Variants in PID1 observed in about 807,000 individuals in gnomAD.
PID1 encodes phosphotyrosine interaction domain containing 1.
A neutral mutation model predicts 19.1 loss-of-function variants in PID1; 10 were observed. That is an observed-to-expected ratio of 0.52 (90% CI 0.32 to 0.89). The LOEUF (loss-of-function observed/expected upper bound fraction) is 0.89. Among genes scored for constraint, PID1 ranks in the 40% least tolerant of loss-of-function variants. The pLI is 0.03. For missense variants in PID1, 248 were observed against 285.3 expected (o/e 0.87, Z 0.94); for synonymous variants, 130 against 116.0 (o/e 1.12, Z -0.78).
chr2:229,254,508 A>G (rs1371891209), intron 1 of PID1, among the ~76,000 whole-genome samples: 1 of 152,190 alleles, frequency 6.6e-6, no homozygotes, highest in Non-Finnish European at 1.5e-5. Context: ...GCCAATATAC[A>G]TTCTTCTATT....
chr2:229,169,000 C>A (rs2106207989), intron 1 of PID1, among the ~76,000 whole-genome samples: 1 of 152,250 alleles, frequency 6.6e-6, no homozygotes, highest in South Asian at 2.1e-4. Flanking sequence ...CTACTCTCAG[C>A]TTTCTTTGTA....
chr2:229,028,432 G>C (rs764379375), intron 2 of PID1, among the ~76,000 whole-genome samples: 1 of 152,198 alleles, frequency 6.6e-6, no homozygotes, highest in Non-Finnish European at 1.5e-5. Flanking sequence ...ATAAATTGTG[G>C]TGTTTACGCA....
intron 1 of PID1, among the ~76,000 whole-genome samples, chr2:229,187,400 T>G (rs1303961833): frequency 1.3e-5 from 2 of 152,138 alleles, no homozygotes; most frequent in Non-Finnish European, 2.9e-5. Flanking sequence ...CAGTTCCACA[T>G]GGCTGGGGAG....
chr2:229,182,272 G>A (rs957728753), intron 1 of PID1, among the ~76,000 whole-genome samples: 4 of 151,474 alleles, frequency 2.6e-5, no homozygotes, highest in African/African-American at 7.3e-5. Context: ...TGGTCCTCTG[G>A]TGAGAGACAT....
At chr2:229,157,855 C>A (rs942509139) in intron 1 of PID1, among the ~76,000 whole-genome samples, 2 of 152,152 alleles carry the variant, frequency 1.3e-5, no homozygotes, top group African/African-American at 2.4e-5. Flanking sequence ...AATGATAACA[C>A]AGAAGGAAAG....
intron 1 of PID1, among the ~76,000 whole-genome samples, chr2:229,235,618 C>T (rs1441886156): frequency 6.6e-6 from 1 of 152,094 alleles, no homozygotes; most frequent in Non-Finnish European, 1.5e-5. Context: ...ACGCTGGCAC[C>T]AACACTGTCC....
intron 2 of PID1, among the ~76,000 whole-genome samples, chr2:229,026,478 C>T (rs553934454): frequency 6.6e-6 from 1 of 152,276 alleles, no homozygotes; most frequent in South Asian, 2.1e-4. Context: ...GCCAAACACA[C>T]ACAGAATTGA....
chr2:229,184,983 C>CCCATATATATCCCATATATATACAA (rs371649976), intron 1 of PID1, among the ~76,000 whole-genome samples: 2 of 138,938 alleles, frequency 1.4e-5, no homozygotes, highest in African/African-American at 5.3e-5. Flanking sequence ...TATATATATA[C>CCCATATATATCCCATATATATACAA]TATATATATC....
chr2:229,093,213 C>T (rs975231681), intron 2 of PID1, among the ~76,000 whole-genome samples: 1 of 151,548 alleles, frequency 6.6e-6, no homozygotes, highest in Admixed American at 6.6e-5. Context: ...GCCACTCCAC[C>T]TCCGGGTTCA....
chr2:229,068,653 A>T (rs1694382529), intron 2 of PID1, among the ~76,000 whole-genome samples: 1 of 152,116 alleles, frequency 6.6e-6, no homozygotes, highest in Non-Finnish European at 1.5e-5. Flanking sequence ...CGAGTTTGGG[A>T]CTGAAGGCTG....
chr2:229,219,515 C>T (rs975435488), intron 1 of PID1, among the ~76,000 whole-genome samples: 1 of 152,200 alleles, frequency 6.6e-6, no homozygotes, highest in Non-Finnish European at 1.5e-5. Context: ...ATGGGAACGA[C>T]AGTTCAAGAT....
At chr2:229,234,529 A>C (rs1196667068) in intron 1 of PID1, among the ~76,000 whole-genome samples, 1 of 152,202 alleles carries the variant, frequency 6.6e-6, no homozygotes, top group Non-Finnish European at 1.5e-5. Context: ...AGCCCTAACA[A>C]CACCTTGATT....
In PID1 at chr2:229,207,615, G is replaced by C. The variant is rs1450604103; in HGVS notation, c.31-51651C>G. On this transcript the variant is annotated intron_variant, in intron 1 of 2. Transcript: ENST00000392055. Reference sequence around the variant, plus strand: ...GCAGTCACTCAGCTGGCGGTTCTCAGATGCAGACGGTCAGACCCATACCAA... The same window carrying C: ...GCAGTCACTCAGCTGGCGGTTCTCACATGCAGACGGTCAGACCCATACCAA... 2.0e-5 allele frequency among the ~76,000 whole-genome samples: 3 copies of C among 151,334 alleles called. No individual in the cohort carries two copies. The East Asian group carries it at 5.8e-4, about 29-fold the overall frequency.
chr2:229,237,742 C>T (rs2106273449), intron 1 of PID1, among the ~76,000 whole-genome samples: 1 of 152,218 alleles, frequency 6.6e-6, no homozygotes, highest in South Asian at 2.1e-4. Flanking sequence ...CCTTTACCCG[C>T]CCCATACACA....
chr2:229,041,429 G>A (rs1377121827), intron 2 of PID1, among the ~76,000 whole-genome samples: 1 of 152,056 alleles, frequency 6.6e-6, no homozygotes, highest in Non-Finnish European at 1.5e-5. Flanking sequence ...GATATAAATA[G>A]ATAAATGAAT....
intron 2 of PID1, among the ~76,000 whole-genome samples, chr2:229,144,163 C>T (rs530098219): frequency 2.8e-4 from 42 of 152,180 alleles, no homozygotes; most frequent in African/African-American, 1.0e-3. Flanking sequence ...ATATAAAAGG[C>T]ACACAATGTT....
chr2:229,082,704 A>T (rs965288942), intron 2 of PID1, among the ~76,000 whole-genome samples: 1 of 152,154 alleles, frequency 6.6e-6, no homozygotes, highest in Non-Finnish European at 1.5e-5. Flanking sequence ...CAGTCCTACA[A>T]CCACAAGAAA....
At chr2:229,233,038 G>A (rs957439529) in intron 1 of PID1, among the ~76,000 whole-genome samples, 2 of 152,052 alleles carry the variant, frequency 1.3e-5, no homozygotes, top group Admixed American at 1.3e-4. Context: ...AAGCAGAGCT[G>A]TAAACTGTTC....
chr2:229,150,818 GT>G (rs1193783937), intron 2 of PID1, among the ~76,000 whole-genome samples: 1 of 146,438 alleles, frequency 6.8e-6, no homozygotes, highest in Non-Finnish European at 1.5e-5. Flanking sequence ...CACATATAAT[GT>G]TTATAAGGCA....
Sources: allele counts gnomAD v4.1 joint callset (sites outside exome capture counted in the v4.1 genomes callset), GRCh38; gene constraint gnomAD v4.1.1; transcripts MANE v1.5; gene names NCBI Gene and HGNC (gene_info 2026-07-23, HGNC 2026-07-21).